MROH7: variants seen among roughly 807,000 people sequenced by gnomAD.
The protein encoded by MROH7 is maestro heat-like repeat-containing protein family member 7.
In MROH7, 113 loss-of-function variants were observed where a neutral mutation model predicts 129.2. The ratio of observed to expected loss-of-function variants is 0.87; its 90% CI spans 0.75 to 1.02. The LOEUF (loss-of-function observed/expected upper bound fraction) is 1.02. MROH7 is among the 50% of genes least tolerant of loss of function. The pLI, the probability that MROH7 is intolerant of heterozygous loss-of-function variation, is 0.00. For synonymous variants in MROH7, 655 were observed against 667.9 expected, an observed-to-expected ratio of 0.98 and a Z score of 0.30; for missense variants, 1,601 against 1,671.3, an observed-to-expected ratio of 0.96 and a Z score of 0.73.
intron 1 of MROH7, among the ~76,000 whole-genome samples, chr1:54,648,954 C>T (rs1290773198): frequency 6.6e-6 from 1 of 152,060 alleles, no homozygotes; most frequent in Non-Finnish European, 1.5e-5. Flanking sequence ...GGTGCCAGTT[C>T]CTTGCAATGG....
chr1:54,645,941 C>T (rs926725837), intron 1 of MROH7, among the ~76,000 whole-genome samples: 5 of 152,196 alleles, frequency 3.3e-5, no homozygotes, highest in Non-Finnish European at 5.9e-5. Flanking sequence ...CATGAGCCAC[C>T]GCGTGCAGCC....
chr1:54,651,600 G>A (rs1644556329), intron 1 of MROH7: 1 of 152,322 alleles, frequency 6.6e-6, no homozygotes, highest in Non-Finnish European at 1.5e-5. Context: ...GGGGACTGGG[G>A]CCAGATACAG....
chr1:54,653,714 C>G lies in MROH7; in HGVS notation c.788C>G (p.Ala263Gly). The change falls in exon 3 of 24, where the codon GCC (alanine) becomes GGC (glycine). Residue 263 changes from alanine to glycine, a missense_variant. Physicochemically the swap from Ala to Gly is moderately conservative, Grantham distance 60. Transcript: ENST00000421030. ...HNISESVSKG[A>G]FSTTWSTSSK... ...ATCTCTGAGTCTGTTTCAAAAGGAG[C>G]CTTTAGTACCACCTGGAGCACAAGT... 3 of 1,614,166 alleles carry G rather than the reference C, an allele frequency of 1.9e-6. No homozygotes were observed. Among genetic ancestry groups the G allele is most frequent in the Non-Finnish European group, 2.5e-6 (3 of 1,180,030 alleles).
intron 17 of MROH7, among the ~76,000 whole-genome samples, chr1:54,697,031 C>G (rs12116900): frequency 0.2 from 30,635 of 152,068 alleles, 3,274 homozygotes; most frequent in South Asian, 0.29. Flanking sequence ...ACCACATTTT[C>G]TTTATCCATT....
At chr1:54,665,852 A>C (rs961741420) in intron 4 of MROH7, 1 of 152,936 alleles carries the variant, frequency 6.5e-6, no homozygotes, top group African/African-American at 2.4e-5. Flanking sequence ...TCCTGCCTGC[A>C]GGCTGCTTCA....
At chr1:54,656,509 C>CAAAAAA (rs33918860) in intron 3 of MROH7, among the ~76,000 whole-genome samples, 1 of 80,590 alleles carries the variant, frequency 1.2e-5, no homozygotes, top group African/African-American at 4.9e-5. Flanking sequence ...GACTCCATCT[C>CAAAAAA]AAAAAAAAAA....
At chr1:54,708,830 A>C (rs536826800) in intron 22 of MROH7, among the ~76,000 whole-genome samples, 184 bp from the exon 23 acceptor site, 1 of 152,244 alleles carries the variant, frequency 6.6e-6, no homozygotes, top group South Asian at 2.1e-4. Context: ...CCACTGGACC[A>C]GTCATCCTTC....
chr1:54,710,166 G>A lies in MROH7; in HGVS notation c.3951G>A (p.Trp1317Ter). ...GGATCATGCAGGCACTGGGCTCCTG[G>A]AAGATGTCCTTGAAGAAGTGACGTC... ...RSWIMQALGS[W>*]KMSLKK is the part of the protein sequence containing the mutation. The change falls in exon 24 of 24, where the codon TGG becomes TGA. Residue 1317 changes from tryptophan (W) to a stop codon, truncating the protein, a stop_gained. Transcript: ENST00000421030. LOFTEE classifies it high-confidence loss of function. 6.2e-7 allele frequency: 1 copy of A among 1,612,880 alleles called. No individual in the cohort carries two copies. Among genetic ancestry groups the A allele is most frequent in the South Asian group, 1.1e-5 (1 of 91,058 alleles).
intron 18 of MROH7, 57 bp downstream of exon 18, chr1:54,700,518 C>T (rs1645418634): frequency 6.6e-7 from 1 of 1,508,638 alleles, no homozygotes; most frequent in Non-Finnish European, 8.9e-7. Context: ...GGAGGAAGGA[C>T]AGAGCTTCAC....
chr1:54,665,319 G>A, intron 4 of MROH7, 79 bp downstream of exon 4: 1 of 1,076,988 alleles, frequency 9.3e-7, no homozygotes, highest in East Asian at 2.4e-5. Flanking sequence ...CAGCCCAGCA[G>A]CCTCCGCATT....
chr1:54,660,674 A>G (rs995886508), intron 3 of MROH7, among the ~76,000 whole-genome samples: 1 of 151,968 alleles, frequency 6.6e-6, no homozygotes, highest in African/African-American at 2.4e-5. Context: ...AATTAGCCAG[A>G]CATGGTGGCA....
chr1:54,706,856 C>T (rs1007844040), intron 22 of MROH7, among the ~76,000 whole-genome samples: 1 of 152,114 alleles, frequency 6.6e-6, no homozygotes, highest in Admixed American at 6.5e-5. Flanking sequence ...GGGCAAATCC[C>T]CCATTGACAG....
At chr1:54,706,253 C>T (rs1272658617) in intron 21 of MROH7, among the ~76,000 whole-genome samples, 182 bp from the exon 22 acceptor site, 2 of 152,036 alleles carry the variant, frequency 1.3e-5, no homozygotes, top group Non-Finnish European at 2.9e-5. Context: ...GGAACATCAT[C>T]GAAGTGATTG....
At chr1:54,700,720 A>G (rs944349222) in intron 18 of MROH7, among the ~76,000 whole-genome samples, 3 of 152,260 alleles carry the variant, frequency 2.0e-5, no homozygotes, top group African/African-American at 7.2e-5. Context: ...TGGCACAAGT[A>G]TTCCTATTTT....
In MROH7 at chr1:54,695,500, G is replaced by A. The variant is rs1387736814; in HGVS notation, c.2964+10G>A. On this transcript the variant is annotated intron_variant, in intron 17 of 23. Transcript: ENST00000421030. ...CGCCTTCTTCGTGGAGGTACCAACG[G>A]GGGCAGCGGGTACACAGCGGGAGCT... 1.3e-6 allele frequency: 2 copies of A among 1,592,686 alleles called. No homozygotes were observed. Among genetic ancestry groups the A allele is most frequent in the Non-Finnish European group, 1.7e-6 (2 of 1,162,154 alleles).
chr1:54,699,159 T>TTTCTTTCTTTCTTTCTTTCTTTTC (rs71048705), intron 17 of MROH7: 2 of 65,920 alleles, frequency 3.0e-5, no homozygotes, highest in Non-Finnish European at 6.2e-5. Flanking sequence ...TCTTTCTTTC[T>TTTCTTTCTTTCTTTCTTTCTTTTC]TTTCTTTCTT....
rs1321189386 is a variant in MROH7, at chr1:54,661,885, C to T, written c.1232-3282C>T. ...TGCCGGTATTACAGGTGTGAGCCAC[C>T]GCCCCTGGCCTTAAAAATATTTTTT... On this transcript the variant is annotated intron_variant, in intron 3 of 23. Transcript: ENST00000421030. Among the ~76,000 whole-genome samples the T allele has an allele frequency of 3.3e-5, 5 of 152,146 alleles. 1 individual carries two copies. Among genetic ancestry groups the T allele is most frequent in the Admixed American group, 2.6e-4 (4 of 15,294 alleles).
intron 12 of MROH7, 53 bp from the exon 13 acceptor site, chr1:54,679,838 C>T: frequency 1.3e-6 from 2 of 1,561,346 alleles, no homozygotes. Context: ...CCTGCTGCCC[C>T]CGTGCTTCCC....
rs745872357 is a variant in MROH7 at position 54,706,417 on chromosome 1, G to T, written c.3565-18G>T. On this transcript the variant is annotated intron_variant, in intron 21 of 23. Coordinates refer to ENST00000421030, the MANE Select transcript of MROH7 (RefSeq NM_001039464.4). ...TCCTCTGAGAGGCCAGCACTTTTGG[G>T]GTTTCTCTTTGTCCTAGGTGAACAC... The T allele has an allele frequency of 6.3e-7, 1 of 1,596,798 alleles. No homozygotes were observed. The highest frequency in any genetic ancestry group is 1.1e-5 in the South Asian group (1 of 90,742).
Sources: gnomAD v4.1 joint callset for allele counts (sites outside exome capture counted in the v4.1 genomes callset) on GRCh38, gnomAD v4.1.1 for gene constraint, MANE v1.5 for transcripts, NCBI Gene and HGNC (gene_info 2026-07-23, HGNC 2026-07-21) for gene names.